Variants in FER1L6 observed in about 807,000 individuals in gnomAD.
FER1L6 encodes fer-1-like protein 6.
A neutral mutation model predicts 219.2 loss-of-function variants in FER1L6; 177 were observed. The ratio of observed to expected loss-of-function variants is 0.81; its 90% CI spans 0.71 to 0.91. The LOEUF is 0.91. Ranked by LOEUF, FER1L6 falls within the 40% of genes least tolerant of loss-of-function variation. The pLI is 0.00. For synonymous variants in FER1L6, 768 were observed against 824.3 expected, an observed-to-expected ratio of 0.93 and a Z score of 1.17; for missense variants, 2,153 against 2,259.9, an observed-to-expected ratio of 0.95 and a Z score of 0.96.
intron 22 of FER1L6, among the ~76,000 whole-genome samples, chr8:124,056,834 C>G (rs1033157156): frequency 6.6e-6 from 1 of 152,116 alleles, no homozygotes; most frequent in Non-Finnish European, 1.5e-5. Flanking sequence ...CACCTGAGGT[C>G]GGAAGTTCGA....
At chr8:123,865,376 C>T (rs1283430964) in intron 1 of FER1L6, among the ~76,000 whole-genome samples, 2 of 149,988 alleles carry the variant, frequency 1.3e-5, no homozygotes, top group African/African-American at 2.5e-5. Context: ...AACCACTGCT[C>T]TCTTCAAAGC....
At chr8:124,065,172 T>C (rs1373233724) in intron 26 of FER1L6, among the ~76,000 whole-genome samples, 1 of 151,706 alleles carries the variant, frequency 6.6e-6, no homozygotes, top group Non-Finnish European at 1.5e-5. Context: ...GGTGAGTAGA[T>C]CACTCGAGGC....
intron 1 of FER1L6, among the ~76,000 whole-genome samples, chr8:123,936,244 C>G (rs1813998547): frequency 1.3e-5 from 2 of 152,076 alleles, no homozygotes; most frequent in African/African-American, 4.8e-5. Flanking sequence ...AAGCATAGAA[C>G]CAGAAGATAG....
intron 1 of FER1L6, among the ~76,000 whole-genome samples, chr8:123,930,033 A>G (rs1813711177): frequency 6.6e-6 from 1 of 151,858 alleles, no homozygotes; most frequent in African/African-American, 2.4e-5. Flanking sequence ...CGTAGATAAC[A>G]TGCAGTTGTA....
intron 33 of FER1L6, 57 bp from the exon 34 acceptor site, chr8:124,091,366 A>G: frequency 7.0e-7 from 1 of 1,437,010 alleles, no homozygotes; most frequent in South Asian, 1.2e-5. Flanking sequence ...TGCACAGATC[A>G]TACTGGGTGG....
chr8:123,956,135 C>A, intron 2 of FER1L6, 61 bp downstream of exon 2: 2 of 1,447,762 alleles, frequency 1.4e-6, no homozygotes, highest in East Asian at 2.3e-5. Flanking sequence ...GTGACCCCTC[C>A]GTGGCTGAAA....
At position 123,857,636 on chromosome 8, in the gene FER1L6, C is replaced by T. The variant is rs182524967; in HGVS notation, c.-8+5451C>T. 2.6e-5 allele frequency among the ~76,000 whole-genome samples: 4 copies of T among 152,286 alleles called. No individual in the cohort carries two copies. The East Asian group carries it at 7.7e-4, about 29-fold the overall frequency. On this transcript the variant is annotated intron_variant, in intron 1 of 40. Coordinates refer to ENST00000522917, the MANE Select transcript of FER1L6 (RefSeq NM_001039112.2). ...TACTCTTTCTCTCTTCCTATCACCC[C>T]TCCTGTTCCTGGCTCTTACAGTGTG...
At chr8:123,929,252 C>T (rs1187843672) in intron 1 of FER1L6, among the ~76,000 whole-genome samples, 1 of 152,206 alleles carries the variant, frequency 6.6e-6, no homozygotes, top group Non-Finnish European at 1.5e-5. Context: ...GCATGAGATG[C>T]AGCAGTGAAC....
intron 1 of FER1L6, among the ~76,000 whole-genome samples, chr8:123,893,585 A>G (rs1812688493): frequency 6.6e-6 from 1 of 152,226 alleles, no homozygotes; most frequent in African/African-American, 2.4e-5. Flanking sequence ...CTATTTATGA[A>G]TATTCCTAAT....
Position 124,017,838 on chromosome 8 carries a change from G to A in FER1L6, c.2013+120G>A, listed in dbSNP as rs1327463558. On this transcript the variant is annotated intron_variant, in intron 16 of 40. Coordinates refer to ENST00000522917, the MANE Select transcript of FER1L6 (RefSeq NM_001039112.2). ...AGGTCATACATTTTTGGGATGCAGAGACAAGAGTGAAAAGGGACTATTTGT... is the reference window on the plus strand; with the variant it reads ...AGGTCATACATTTTTGGGATGCAGAAACAAGAGTGAAAAGGGACTATTTGT... 1.3e-5 allele frequency: 9 copies of A among 676,390 alleles called. No individual in the cohort carries two copies. In the East Asian group the frequency reaches 2.2e-4, roughly 17 times the overall value. 41.9% of individuals were successfully genotyped at this position (676,390 alleles called of 1,614,324 possible).
At chr8:123,960,620 C>A (rs986294742) in intron 2 of FER1L6, among the ~76,000 whole-genome samples, 3 of 152,068 alleles carry the variant, frequency 2.0e-5, no homozygotes, top group Admixed American at 2.0e-4. Flanking sequence ...TATCACTGGG[C>A]CAAAATCACA....
At position 124,021,672 on chromosome 8, in the gene FER1L6, A is replaced by G; in HGVS notation, c.2133+3A>G. The G allele has an allele frequency of 6.2e-7, 1 of 1,613,974 alleles. No individual in the cohort carries two copies. Among genetic ancestry groups the G allele is most frequent in the Non-Finnish European group, 8.5e-7 (1 of 1,179,840 alleles). On this transcript the variant is annotated splice_donor_region_variant and intron_variant, in intron 17 of 40. Coordinates refer to ENST00000522917, the MANE Select transcript of FER1L6 (RefSeq NM_001039112.2). The stretch of plus-strand genomic sequence containing the variant: ...AAATCCGCTTTCTTGTTGATGAGGT[A>G]ACTGACTCTAAAGGCAAACCTCATT...
At chr8:124,056,975 C>T (rs773407457) in intron 22 of FER1L6, among the ~76,000 whole-genome samples, 4 of 152,084 alleles carry the variant, frequency 2.6e-5, no homozygotes, top group Non-Finnish European at 4.4e-5. Context: ...ACCTGGGAGG[C>T]GGAGGTTGCA....
At chr8:123,985,155 C>T (rs1396222876) in intron 11 of FER1L6, 3 of 152,198 alleles carry the variant, frequency 2.0e-5, no homozygotes. Context: ...GGAAACCAGG[C>T]CTTGAGTCTT....
chr8:123,939,255 T>C, intron 1 of FER1L6: 8 of 930,612 alleles, frequency 8.6e-6, no homozygotes, highest in Non-Finnish European at 1.0e-5. Context: ...GTGGTACTTT[T>C]GTATTTTTGA....
At chr8:123,936,723 A>T (rs1200092627) in intron 1 of FER1L6, among the ~76,000 whole-genome samples, 1 of 151,982 alleles carries the variant, frequency 6.6e-6, no homozygotes, top group Non-Finnish European at 1.5e-5. Context: ...AGCAGACACA[A>T]ATCATCTATC....
intron 10 of FER1L6, among the ~76,000 whole-genome samples, chr8:123,980,182 T>A (rs1393551203): frequency 2.0e-5 from 3 of 152,212 alleles, no homozygotes; most frequent in African/African-American, 7.2e-5. Flanking sequence ...TAAAGCCTAC[T>A]GGAGAACATG....
chr8:123,879,421 G>A (rs555830623), intron 1 of FER1L6, among the ~76,000 whole-genome samples: 1 of 152,228 alleles, frequency 6.6e-6, no homozygotes, highest in South Asian at 2.1e-4. Flanking sequence ...CTGCCTCCCA[G>A]GTTCAAGCGA....
At chr8:123,859,285 G>A (rs1419216492) in intron 1 of FER1L6, among the ~76,000 whole-genome samples, 1 of 152,204 alleles carries the variant, frequency 6.6e-6, no homozygotes, top group Non-Finnish European at 1.5e-5. Context: ...ACAGGCATGA[G>A]CCACCATGCC....
Sources: gnomAD v4.1 joint callset for allele counts (sites outside exome capture counted in the v4.1 genomes callset) on GRCh38, gnomAD v4.1.1 for gene constraint, MANE v1.5 for transcripts, NCBI Gene and HGNC (gene_info 2026-07-23, HGNC 2026-07-21) for gene names.